The following BTAF1 variants were observed in gnomAD, a reference collection of about 807,000 sequenced individuals.
BTAF1 encodes TATA-binding protein-associated factor 172.
A neutral mutation model predicts 227.1 loss-of-function variants in BTAF1; 38 were observed. That is an observed-to-expected ratio of 0.17 (90% confidence interval 0.13 to 0.22). BTAF1 has a LOEUF of 0.22. Ranked by LOEUF, BTAF1 falls within the 10% of genes least tolerant of loss-of-function variation. BTAF1 has a pLI of 1.00. For missense variants in BTAF1, 1,598 were observed against 2,204.0 expected (o/e 0.73, Z 5.51); for synonymous variants, 742 against 751.9 (o/e 0.99, Z 0.21).
intron 16 of BTAF1, 69 bp downstream of exon 16, chr10:91,981,861 T>A (rs762787527): frequency 1.3e-6 from 2 of 1,485,184 alleles, no homozygotes; most frequent in Admixed American, 2.4e-5. Flanking sequence ...ACCATATTTT[T>A]AAAAATCTGT....
At chr10:91,986,856 C>G (rs1238341670) in intron 19 of BTAF1, among the ~76,000 whole-genome samples, 2 of 149,494 alleles carry the variant, frequency 1.3e-5, no homozygotes, top group Admixed American at 6.7e-5. Flanking sequence ...TTTTTTTTTT[C>G]TGTAAGGGAC....
chr10:91,963,549 G>T (rs1846677003), intron 12 of BTAF1, among the ~76,000 whole-genome samples: 1 of 152,116 alleles, frequency 6.6e-6, no homozygotes, highest in Non-Finnish European at 1.5e-5. Context: ...GGTTACTGGT[G>T]TGACTCATCA....
At chr10:91,943,148 T>C (rs1845128100) in intron 4 of BTAF1, among the ~76,000 whole-genome samples, 1 of 152,064 alleles carries the variant, frequency 6.6e-6, no homozygotes, top group African/African-American at 2.4e-5. Flanking sequence ...ACCCTGTCTC[T>C]ACTAAAAATA....
intron 20 of BTAF1, among the ~76,000 whole-genome samples, chr10:91,991,271 A>AAATATATATATATATATATATATATATAT (rs1564699928): frequency 4.5e-5 from 3 of 66,214 alleles, no homozygotes; most frequent in East Asian, 1.8e-3. Flanking sequence ...TATAAATATA[A>AAATATATATATATATATATATATATATAT]ATATATATAT....
chr10:91,982,500 T>C, intron 17 of BTAF1, 87 bp from the exon 18 acceptor site: 1 of 1,451,304 alleles, frequency 6.9e-7, no homozygotes, highest in Non-Finnish European at 9.2e-7. Context: ...TTCAAGTAAT[T>C]ATAGGAAATT....
At chr10:91,997,003 A>G in intron 24 of BTAF1, 1 of 741,762 alleles carries the variant, frequency 1.3e-6, no homozygotes, top group Non-Finnish European at 2.0e-6. Flanking sequence ...TATACTAGAT[A>G]ATTAGAAATA....
intron 15 of BTAF1, 89 bp downstream of exon 15, chr10:91,980,647 A>G (rs1847994789): frequency 3.1e-6 from 3 of 982,730 alleles, no homozygotes; most frequent in Admixed American, 2.0e-5. Context: ...TTGGTCATTC[A>G]TATCTCATGG....
At chr10:92,009,618 T>C (rs1417712388) in intron 28 of BTAF1, among the ~76,000 whole-genome samples, 2 of 152,196 alleles carry the variant, frequency 1.3e-5, no homozygotes, top group East Asian at 1.9e-4. Context: ...GGAGGATTGC[T>C]TTAGCCCAGG....
Position 91,944,226 on chromosome 10 carries a change from G to C in BTAF1, c.400+1658G>C, listed in dbSNP as rs565123163. The stretch of plus-strand genomic sequence containing the variant: ...CCAGGATTGGGAACTGCAGTTTCTT[G>C]GGAACTCAGTTTTTTAGTGCTAGTA... On this transcript the variant is annotated intron_variant, in intron 4 of 37. Transcript: ENST00000265990. Among the ~76,000 whole-genome samples the C allele has an allele frequency of 5.3e-5, 8 of 152,130 alleles. No homozygotes were observed. In the East Asian group the frequency reaches 1.4e-3, roughly 26 times the overall value.
intron 25 of BTAF1, among the ~76,000 whole-genome samples, chr10:92,000,861 A>G (rs1420426587): frequency 6.6e-6 from 1 of 152,108 alleles, no homozygotes; most frequent in African/African-American, 2.4e-5. Flanking sequence ...TTTGTTCTTA[A>G]GGAAAAATAA....
chr10:91,989,993 C>T (rs1039083302), intron 20 of BTAF1, among the ~76,000 whole-genome samples: 24 of 152,184 alleles, frequency 1.6e-4, no homozygotes, highest in African/African-American at 5.1e-4. Flanking sequence ...TAAAATCTCT[C>T]GTTTCCCTAA....
intron 25 of BTAF1, among the ~76,000 whole-genome samples, chr10:91,999,403 T>C (rs1441596685): frequency 6.6e-6 from 1 of 152,190 alleles, no homozygotes; most frequent in South Asian, 2.1e-4. Context: ...CAAGACTTTT[T>C]TTTTTTGAGA....
chr10:92,028,913 T>G lies in BTAF1; in HGVS notation c.5530T>G (p.Phe1844Val). 6.3e-7 allele frequency: 1 copy of G among 1,587,568 alleles called. No homozygotes were observed. The highest frequency in any genetic ancestry group is 8.5e-7 in the Non-Finnish European group (1 of 1,170,286). Residue 1844 changes from phenylalanine to valine, a missense_variant, in exon 38 of 38, where the codon TTT (phenylalanine) becomes GTT (valine). Physicochemically the swap from Phe to Val is conservative, Grantham distance 50. Around this residue, in one of 10 missense-constraint regions of BTAF1, gnomAD observed 79 missense variants for 97.9 expected, o/e 0.81. Transcript: ENST00000265990. ...QYDSEYSLEN[F>V]MHSLK ...TGATTCAGAGTACAGCCTGGAAAAT[T>G]TTATGCATTCTCTCAAGTAACTATC...
At position 91,958,980 on chromosome 10, in the gene BTAF1, A is replaced by G. The variant is rs111742597; in HGVS notation, c.901-85A>G. 6.0e-5 allele frequency: 70 copies of G among 1,165,348 alleles called. 3 individuals are homozygous for G. The highest frequency in any genetic ancestry group is 3.7e-4 in the African/African-American group (24 of 64,518). 72.2% of individuals were successfully genotyped at this position (1,165,348 alleles called of 1,614,324 possible). On this transcript the variant is annotated intron_variant, in intron 8 of 37. Transcript: ENST00000265990. ...GTTTATTCTAATTTCTTAAAAATCCAGTATCCCTATTTCGTATAGAAGAAA... is the reference window on the plus strand; with the variant it reads ...GTTTATTCTAATTTCTTAAAAATCCGGTATCCCTATTTCGTATAGAAGAAA...
At chr10:92,013,644 A>T in intron 30 of BTAF1, 23 bp from the exon 31 acceptor site, 1 of 1,613,950 alleles carries the variant, frequency 6.2e-7, no homozygotes, top group Non-Finnish European at 8.5e-7. Flanking sequence ...AGTACAAAAG[A>T]TAATTGGTGT....
At chr10:91,928,085 A>G (rs1843990158) in intron 1 of BTAF1, among the ~76,000 whole-genome samples, 1 of 148,502 alleles carries the variant, frequency 6.7e-6, no homozygotes, top group African/African-American at 2.4e-5. Context: ...TTCTTTTTAA[A>G]GCTATCTCCT....
At chr10:91,951,009 A>G (rs1845736394) in intron 4 of BTAF1, among the ~76,000 whole-genome samples, 1 of 151,790 alleles carries the variant, frequency 6.6e-6, no homozygotes, top group South Asian at 2.1e-4. Flanking sequence ...TATTTTTTAT[A>G]GAGATGGGGT....
chr10:91,989,290 G>C lies in BTAF1; in HGVS notation c.2564G>C (p.Arg855Thr). Residue 855 changes from arginine (R) to threonine (T), a missense_variant, in exon 20 of 38, where the codon AGA becomes ACA. By Grantham distance (71) the Arg-to-Thr change is moderately conservative. Around this residue, in one of 10 missense-constraint regions of BTAF1, gnomAD observed 425 missense variants for 491.2 expected, o/e 0.87. Coordinates refer to ENST00000265990, the MANE Select transcript of BTAF1 (RefSeq NM_003972.3). ...CAGGAGTGGCAAGTGTTGCAGTTGA[G>C]AGTGCATACTTTTGCTGCCTGTGCA... ...TNQEWQVLQL[R>T]VHTFAACAVV... 6.2e-7 allele frequency: 1 copy of C among 1,614,192 alleles called. No homozygotes were observed. The highest frequency in any genetic ancestry group is 8.5e-7 in the Non-Finnish European group (1 of 1,180,034).
intron 14 of BTAF1, among the ~76,000 whole-genome samples, chr10:91,969,963 A>G (rs1486458090): frequency 7.9e-5 from 5 of 63,202 alleles, no homozygotes; most frequent in East Asian, 1.5e-3. Context: ...CCTGTCTCAG[A>G]AAAAAAAAAA....
Sources: allele counts gnomAD v4.1 joint callset (sites outside exome capture counted in the v4.1 genomes callset), GRCh38; gene constraint gnomAD v4.1.1; regional missense constraint gnomAD v4.1.1; transcripts MANE v1.5; gene names NCBI Gene and HGNC (gene_info 2026-07-23, HGNC 2026-07-21).